The following VAV2 variants were observed in gnomAD, a reference collection of about 807,000 sequenced individuals.
VAV2 encodes the protein guanine nucleotide exchange factor VAV2.
In VAV2, 67 loss-of-function variants were observed where a neutral mutation model predicts 132.5. The ratio of observed to expected loss-of-function variants is 0.51; its 90% CI spans 0.42 to 0.62. VAV2 has a LOEUF of 0.62. Ranked by LOEUF, VAV2 falls within the 20% of genes least tolerant of loss-of-function variation. The pLI is 0.00. For synonymous variants in VAV2, 492 were observed against 443.5 expected, an observed-to-expected ratio of 1.11 and a Z score of -1.37; for missense variants, 938 against 1,153.6, an observed-to-expected ratio of 0.81 and a Z score of 2.71.
intron 1 of VAV2, among the ~76,000 whole-genome samples, chr9:133,954,041 C>G (rs1203792630): frequency 6.6e-6 from 1 of 152,186 alleles, no homozygotes; most frequent in Non-Finnish European, 1.5e-5. Context: ...GATCCCAGCA[C>G]TATACACGCC....
At chr9:133,839,773 G>A (rs1003167629) in intron 3 of VAV2, among the ~76,000 whole-genome samples, 1 of 152,196 alleles carries the variant, frequency 6.6e-6, no homozygotes, top group Non-Finnish European at 1.5e-5. Flanking sequence ...TTTTCAAGGA[G>A]AGCTTGTAAG....
Position 133,991,583 on chromosome 9 carries a change from G to A in VAV2, c.204+492C>T, listed in dbSNP as rs1326457921. 6.6e-6 allele frequency among the ~76,000 whole-genome samples: 1 copy of A among 151,570 alleles called. No individual in the cohort carries two copies. The highest frequency in any genetic ancestry group is 1.9e-4 in the East Asian group (1 of 5,138). On this transcript the variant is annotated intron_variant, in intron 1 of 29. Coordinates refer to ENST00000371850, the MANE Select transcript of VAV2 (RefSeq NM_001134398.2). The surrounding 1 kb of genome is among the most constrained non-coding windows in gnomAD (Gnocchi z 4.8). Reference sequence around the variant, plus strand: ...GGCCAACCCAGCTCCCTCCGGCCCCGAGGGCTCCCGCCCCGCGCCCCTCCC... The same window carrying A: ...GGCCAACCCAGCTCCCTCCGGCCCCAAGGGCTCCCGCCCCGCGCCCCTCCC...
intron 4 of VAV2, among the ~76,000 whole-genome samples, chr9:133,819,354 C>G (rs542284760): frequency 6.6e-6 from 1 of 151,392 alleles, no homozygotes; most frequent in Non-Finnish European, 1.5e-5. Context: ...GAGGCTGAGG[C>G]AGGAGAATGG....
rs1478419847 is a variant in VAV2 at position 133,885,522 on chromosome 9, T to C, written c.322-24090A>G. On this transcript the variant is annotated intron_variant, in intron 2 of 29. Coordinates refer to ENST00000371850, the MANE Select transcript of VAV2 (RefSeq NM_001134398.2). The surrounding 1 kb of genome is among the most constrained non-coding windows in gnomAD (Gnocchi z 5.0). ...CTGCAAGTGTCGTATTTACTAATAATGGTGCACCGCCAGGAGCGTGCAATG... is the reference window on the plus strand; with the variant it reads ...CTGCAAGTGTCGTATTTACTAATAACGGTGCACCGCCAGGAGCGTGCAATG... 6.6e-6 allele frequency among the ~76,000 whole-genome samples: 1 copy of C among 152,210 alleles called. No individual in the cohort carries two copies. The highest frequency in any genetic ancestry group is 2.4e-5 in the African/African-American group (1 of 41,452).
chr9:133,874,017 C>A (rs567306116), intron 2 of VAV2, among the ~76,000 whole-genome samples: 5 of 152,326 alleles, frequency 3.3e-5, no homozygotes, highest in African/African-American at 1.2e-4. Context: ...AAACCCCCCA[C>A]GAGATGGTTC....
chr9:133,814,001 C>G (rs1319822519), intron 4 of VAV2, among the ~76,000 whole-genome samples: 1 of 152,228 alleles, frequency 6.6e-6, no homozygotes. Context: ...ACTATCCTCT[C>G]CTCTCTCCCC....
At chr9:133,766,722 A>G (rs536620600) in intron 29 of VAV2, among the ~76,000 whole-genome samples, 42 of 145,926 alleles carry the variant, frequency 2.9e-4, no homozygotes, top group African/African-American at 7.4e-4. Context: ...AAACCTGCAC[A>G]TTGTGCACAT....
chr9:133,836,362 G>T (rs888021259), intron 3 of VAV2, among the ~76,000 whole-genome samples: 2 of 152,178 alleles, frequency 1.3e-5, no homozygotes, highest in Non-Finnish European at 2.9e-5. Context: ...CCCCGCTCCC[G>T]CACCAGCCCC....
Position 133,905,852 on chromosome 9 carries a change from C to T in VAV2, c.321+33251G>A, listed in dbSNP as rs189070652. Among the ~76,000 whole-genome samples, 42 of 145,568 alleles carry T rather than the reference C, an allele frequency of 2.9e-4. No homozygotes were observed. In the Middle Eastern group the frequency reaches 0.01, roughly 35 times the overall value. ...AAGAGTTCAAGACCAGCCTGGGTAACGTGGCGAAACCCCATCTCTACAAAA... is the reference window on the plus strand; with the variant it reads ...AAGAGTTCAAGACCAGCCTGGGTAATGTGGCGAAACCCCATCTCTACAAAA... On this transcript the variant is annotated intron_variant, in intron 2 of 29. Coordinates refer to ENST00000371850, the MANE Select transcript of VAV2 (RefSeq NM_001134398.2).
At position 133,809,029 on chromosome 9, in the gene VAV2, T is replaced by C. The variant is rs769576661; in HGVS notation, c.666+11A>G. On this transcript the variant is annotated intron_variant, in intron 7 of 29. Transcript: ENST00000371850. ...CGCTGCCATTTTCCAGTGGCCGCCA[T>C]CTGCCCTCACCTTCTCAATGTCCTC... 11 of 1,611,708 alleles carry C rather than the reference T, an allele frequency of 6.8e-6. No homozygotes were observed. The South Asian group carries it at 1.2e-4, about 18-fold the overall frequency.
intron 2 of VAV2, among the ~76,000 whole-genome samples, chr9:133,908,450 T>G (rs1014326140): frequency 2.6e-5 from 4 of 151,320 alleles, no homozygotes; most frequent in Non-Finnish European, 4.4e-5. Flanking sequence ...CCTGGAAATC[T>G]CCCCTCACCT....
chr9:133,818,733 A>T (rs561372827), intron 4 of VAV2, among the ~76,000 whole-genome samples: 1 of 152,254 alleles, frequency 6.6e-6, no homozygotes, highest in South Asian at 2.1e-4. Context: ...GGAAGCCACT[A>T]ATTGCAACAT....
intron 2 of VAV2, among the ~76,000 whole-genome samples, chr9:133,907,961 G>A (rs1433166636): frequency 8.8e-6 from 1 of 113,736 alleles, no homozygotes; most frequent in African/African-American, 3.4e-5. Context: ...AGAGAGTGGA[G>A]GGTCTGAAGG....
At chr9:133,963,737 C>T (rs566744551) in intron 1 of VAV2, among the ~76,000 whole-genome samples, 3 of 152,168 alleles carry the variant, frequency 2.0e-5, no homozygotes, top group East Asian at 1.9e-4. Context: ...GGAAAAAATG[C>T]CTGTGAAACT....
chr9:133,795,523 C>A (rs925884678), intron 12 of VAV2, 145 bp downstream of exon 12: 4 of 977,828 alleles, frequency 4.1e-6, no homozygotes, highest in South Asian at 3.0e-5. Context: ...TCACCCACTG[C>A]CCTGCCCTGC....
intron 3 of VAV2, among the ~76,000 whole-genome samples, chr9:133,850,083 C>G (rs932760131): frequency 6.6e-6 from 1 of 152,224 alleles, no homozygotes; most frequent in African/African-American, 2.4e-5. Context: ...CCACCTCTTG[C>G]GGCTGTGCCT....
chr9:133,776,143 G>A, intron 23 of VAV2, 63 bp from the exon 24 acceptor site: 3 of 1,587,442 alleles, frequency 1.9e-6, no homozygotes, highest in Non-Finnish European at 2.6e-6. Context: ...AGGGCTCAGA[G>A]GGGGTCATTG....
rs1217003023 is a variant in VAV2 at position 133,776,100 on chromosome 9, G to A, written c.1966-20C>T. ...GGGCGGCTGGTGGCAGAGCACAAGA[G>A]TGTTAACGGCCCCCCAGGGCCACTC... On this transcript the variant is annotated intron_variant, in intron 23 of 29. Transcript: ENST00000371850. 1 of 1,612,208 alleles carries A rather than the reference G, an allele frequency of 6.2e-7. No homozygotes were observed. Among genetic ancestry groups the A allele is most frequent in the Non-Finnish European group, 8.5e-7 (1 of 1,179,630 alleles).
chr9:133,893,158 C>T (rs57077614), intron 2 of VAV2, among the ~76,000 whole-genome samples: 5,848 of 152,236 alleles, frequency 0.038, 361 homozygotes, highest in African/African-American at 0.13. Context: ...CCACCTCCCG[C>T]GAAGACTCCT....
Sources: gnomAD v4.1 joint callset for allele counts (sites outside exome capture counted in the v4.1 genomes callset) on GRCh38, gnomAD v4.1.1 for gene constraint, Gnocchi (gnomAD v3.1) non-coding constraint, MANE v1.5 for transcripts, NCBI Gene and HGNC (gene_info 2026-07-23, HGNC 2026-07-21) for gene names.